RAD51B: variants seen among roughly 807,000 people sequenced by gnomAD.
The protein encoded by RAD51B is RAD51 paralog B, also known as DNA repair protein RAD51 homolog 2.
In RAD51B, 38 loss-of-function variants were observed where a neutral mutation model predicts 42.2. That is an observed-to-expected ratio of 0.90 (90% CI 0.70 to 1.18). RAD51B has a LOEUF of 1.18. RAD51B is among the 50% of genes most tolerant of loss of function. The probability of loss-of-function intolerance (pLI) is 0.00; values close to 1 mark genes in which losing one functional copy is unlikely to be tolerated. For missense variants in RAD51B, 373 were observed against 400.7 expected (o/e 0.93, Z 0.59); for synonymous variants, 154 against 145.2 (o/e 1.06, Z -0.43).
intron 10 of RAD51B, among the ~76,000 whole-genome samples, chr14:68,500,614 C>T (rs1467494286): frequency 6.6e-6 from 1 of 152,230 alleles, no homozygotes; most frequent in Non-Finnish European, 1.5e-5. Context: ...CTGAGATGAC[C>T]TGGTGGGTCC....
At chr14:67,950,616 T>C (rs1007803355) in intron 7 of RAD51B, among the ~76,000 whole-genome samples, 1 of 152,188 alleles carries the variant, frequency 6.6e-6, no homozygotes, top group African/African-American at 2.4e-5. Flanking sequence ...TTAATTTCCT[T>C]CAAGAATTTT....
chr14:67,906,744 C>G (rs1455338542), intron 7 of RAD51B, among the ~76,000 whole-genome samples: 1 of 151,838 alleles, frequency 6.6e-6, no homozygotes, highest in Non-Finnish European at 1.5e-5. Flanking sequence ...GTAATGTCCC[C>G]TTTGTGTGTT....
At chr14:67,837,168 C>G (rs2041271570) in intron 4 of RAD51B, among the ~76,000 whole-genome samples, 1 of 151,956 alleles carries the variant, frequency 6.6e-6, no homozygotes, top group Non-Finnish European at 1.5e-5. Context: ...CACACACACA[C>G]ACGCACACAC....
intron 9 of RAD51B, among the ~76,000 whole-genome samples, chr14:68,428,759 A>T: frequency 1.5e-5 from 1 of 67,992 alleles, no homozygotes; most frequent in Non-Finnish European, 2.9e-5. Context: ...ATATATATAT[A>T]TATATAATTA....
chr14:68,506,620 G>A (rs1358251674), intron 10 of RAD51B, among the ~76,000 whole-genome samples: 1 of 152,198 alleles, frequency 6.6e-6, no homozygotes, highest in Non-Finnish European at 1.5e-5. Flanking sequence ...GTGCTGAGTG[G>A]GCGCAAAGTT....
At chr14:68,012,093 A>G (rs2075693947) in intron 7 of RAD51B, among the ~76,000 whole-genome samples, 1 of 152,108 alleles carries the variant, frequency 6.6e-6, no homozygotes, top group African/African-American at 2.4e-5. Context: ...GATAAATGTC[A>G]ATTATGAAGA....
At chr14:68,063,203 G>GT (rs879288407) in intron 7 of RAD51B, among the ~76,000 whole-genome samples, 4 of 151,656 alleles carry the variant, frequency 2.6e-5, no homozygotes, top group Non-Finnish European at 4.4e-5. Flanking sequence ...TGGTCTTTTG[G>GT]TTTTTTAAGT....
chr14:68,662,471 G>A (rs1354049411), intron 11 of RAD51B, among the ~76,000 whole-genome samples: 1 of 152,050 alleles, frequency 6.6e-6, no homozygotes, highest in Non-Finnish European at 1.5e-5. Context: ...GAAACAGAAC[G>A]GTCATGGGAG....
chr14:68,252,952 G>A (rs2080669228), intron 7 of RAD51B, among the ~76,000 whole-genome samples: 1 of 151,988 alleles, frequency 6.6e-6, no homozygotes, highest in African/African-American at 2.4e-5. Flanking sequence ...GCATGGTGGT[G>A]TGTGCCTGTA....
chr14:68,061,217 C>T (rs139517889), intron 7 of RAD51B, among the ~76,000 whole-genome samples: 2,003 of 151,802 alleles, frequency 0.013, 25 homozygotes, highest in Non-Finnish European at 0.023. Flanking sequence ...TACAGGCATG[C>T]GCGCCACACC....
intron 7 of RAD51B, among the ~76,000 whole-genome samples, chr14:68,192,058 A>T (rs938762584): frequency 6.6e-6 from 1 of 152,210 alleles, no homozygotes. Context: ...GCCATGTGAC[A>T]TAGCTTTTCA....
At chr14:68,307,400 C>T (rs566711346) in intron 8 of RAD51B, among the ~76,000 whole-genome samples, 3 of 152,308 alleles carry the variant, frequency 2.0e-5, no homozygotes, top group South Asian at 2.1e-4. Context: ...GGAGCATATC[C>T]GATTCACAGC....
chr14:68,284,954 T>C (rs1000587336), intron 7 of RAD51B, among the ~76,000 whole-genome samples: 1 of 152,216 alleles, frequency 6.6e-6, no homozygotes, highest in Non-Finnish European at 1.5e-5. Flanking sequence ...GTGGCCTTTC[T>C]GGACCTACCC....
intron 10 of RAD51B, among the ~76,000 whole-genome samples, chr14:68,639,153 A>G (rs191070776): frequency 1.3e-5 from 2 of 152,300 alleles, no homozygotes; most frequent in East Asian, 3.9e-4. Context: ...TGAGTTAGGT[A>G]AGGCGATGCT....
intron 7 of RAD51B, among the ~76,000 whole-genome samples, chr14:67,922,262 G>A (rs547564465): frequency 6.6e-6 from 1 of 152,140 alleles, no homozygotes; most frequent in Admixed American, 6.6e-5. Flanking sequence ...AGCAAACCTT[G>A]GGGGAGATAT....
chr14:68,566,248 A>G (rs1289019296), intron 10 of RAD51B, among the ~76,000 whole-genome samples: 2 of 152,206 alleles, frequency 1.3e-5, no homozygotes, highest in African/African-American at 4.8e-5. Flanking sequence ...TATTTGCTGA[A>G]TGACTGCTGA....
Position 67,972,466 on chromosome 14 carries a change from G to T in RAD51B, c.756+85262G>T, listed in dbSNP as rs186560956. Among the ~76,000 whole-genome samples, 138 of 152,106 alleles carry T rather than the reference G, an allele frequency of 9.1e-4. 1 individual carries two copies. The highest frequency in any genetic ancestry group is 3.3e-3 in the African/African-American group (136 of 41,510). Reference sequence around the variant, plus strand: ...TGTTACACAAGGAAGAATTATTAGGGCCAGGTGCCTTTCATGTCTATGTCT... The same window carrying T: ...TGTTACACAAGGAAGAATTATTAGGTCCAGGTGCCTTTCATGTCTATGTCT... On this transcript the variant is annotated intron_variant, in intron 7 of 10. Transcript: ENST00000471583.
intron 7 of RAD51B, among the ~76,000 whole-genome samples, chr14:68,073,240 C>CTT (rs2076782211): frequency 6.6e-6 from 1 of 152,136 alleles, no homozygotes; most frequent in African/African-American, 2.4e-5. Context: ...ATTGTTAAGA[C>CTT]TTCTTGTTGA....
chr14:68,365,406 C>G (rs1381315960), intron 8 of RAD51B, among the ~76,000 whole-genome samples: 4 of 152,216 alleles, frequency 2.6e-5, no homozygotes. Flanking sequence ...TGAAGGCAGT[C>G]CCACCTCAGA....
Sources: gnomAD v4.1 joint callset for allele counts (sites outside exome capture counted in the v4.1 genomes callset) on GRCh38, gnomAD v4.1.1 for gene constraint, MANE v1.5 for transcripts, NCBI Gene and HGNC (gene_info 2026-07-23, HGNC 2026-07-21) for gene names.